APP: variants seen among roughly 807,000 people sequenced by gnomAD.
The protein encoded by APP is amyloid-beta precursor protein.
In APP, 31 loss-of-function variants were observed where a neutral mutation model predicts 101.4. The ratio of observed to expected loss-of-function variants is 0.31; its 90% CI spans 0.23 to 0.41. APP has a LOEUF of 0.41. APP is among the 10% of genes least tolerant of loss of function. The pLI, the probability that APP is intolerant of heterozygous loss-of-function variation, is 1.00. For missense variants in APP, 839 were observed against 1,003.7 expected (o/e 0.84, Z 2.22); for synonymous variants, 366 against 364.4 (o/e 1.00, Z -0.05).
intron 3 of APP, among the ~76,000 whole-genome samples, chr21:26,082,042 AC>A (rs1211124623): frequency 6.6e-6 from 1 of 151,944 alleles, no homozygotes; most frequent in Non-Finnish European, 1.5e-5. Context: ...ACATGATGAA[AC>A]CCCATCTCTA....
intron 1 of APP, among the ~76,000 whole-genome samples, chr21:26,132,703 T>TA (rs1172658670): frequency 6.6e-6 from 1 of 152,194 alleles, no homozygotes; most frequent in Admixed American, 6.5e-5. Flanking sequence ...AAATACTTGA[T>TA]TACTTCAACT....
At chr21:25,928,926 T>C (rs1301634091) in intron 13 of APP, 5 of 152,100 alleles carry the variant, frequency 3.3e-5, no homozygotes, top group Admixed American at 2.6e-4. Flanking sequence ...TTCACCATGT[T>C]GGCCGGGATG....
chr21:26,125,917 C>T (rs2062673440), intron 1 of APP, among the ~76,000 whole-genome samples: 2 of 152,216 alleles, frequency 1.3e-5, no homozygotes, highest in African/African-American at 4.8e-5. Flanking sequence ...GGACTCTCAC[C>T]ATGCAGATTA....
intron 11 of APP, among the ~76,000 whole-genome samples, chr21:25,958,162 C>T (rs975955201): frequency 1.5e-4 from 23 of 152,156 alleles, no homozygotes; most frequent in Non-Finnish European, 3.2e-4. Flanking sequence ...CTTGGCATTA[C>T]TACTTCAAGC....
chr21:26,022,774 A>G (rs2044400135), intron 5 of APP, among the ~76,000 whole-genome samples: 1 of 152,262 alleles, frequency 6.6e-6, no homozygotes, highest in Non-Finnish European at 1.5e-5. Flanking sequence ...GGTAGCGGAT[A>G]CTCAGTATAT....
intron 1 of APP, 121 bp downstream of exon 1, chr21:26,170,443 G>C: frequency 9.4e-7 from 1 of 1,065,510 alleles, no homozygotes; most frequent in Non-Finnish European, 1.3e-6. Flanking sequence ...GGGGCGGAGA[G>C]GAGAGGGGTC....
chr21:25,897,277 T>TA (rs1030221188), intron 16 of APP, among the ~76,000 whole-genome samples: 3 of 152,120 alleles, frequency 2.0e-5, no homozygotes, highest in African/African-American at 7.2e-5. Flanking sequence ...CACACCCAGC[T>TA]AATCTTTTTT....
intron 2 of APP, among the ~76,000 whole-genome samples, chr21:26,095,470 A>T (rs1258735181): frequency 6.6e-6 from 1 of 152,198 alleles, no homozygotes; most frequent in Non-Finnish European, 1.5e-5. Context: ...AAAGTGCAAG[A>T]GTAGTGATGG....
chr21:26,150,999 TTAA>T (rs2063257954), intron 1 of APP, among the ~76,000 whole-genome samples: 1 of 152,298 alleles, frequency 6.6e-6, no homozygotes, highest in African/African-American at 2.4e-5. Flanking sequence ...GAAACGGCAG[TTAA>T]TAATCAAAAT....
chr21:26,038,721 G>A (rs1456139801), intron 5 of APP, among the ~76,000 whole-genome samples: 1 of 152,102 alleles, frequency 6.6e-6, no homozygotes, highest in African/African-American at 2.4e-5. Flanking sequence ...CCGAGATTGT[G>A]CCACTGCACT....
chr21:26,106,068 T>A (rs531361912), intron 2 of APP, among the ~76,000 whole-genome samples: 1 of 152,218 alleles, frequency 6.6e-6, no homozygotes, highest in Admixed American at 6.5e-5. Context: ...AAGCACTCCC[T>A]GATAATGCCC....
At chr21:26,062,110 T>A (rs2046287375) in intron 3 of APP, among the ~76,000 whole-genome samples, 1 of 151,908 alleles carries the variant, frequency 6.6e-6, no homozygotes, top group African/African-American at 2.4e-5. Flanking sequence ...CTCGGGAGGC[T>A]GAGGCCGAAG....
intron 11 of APP, among the ~76,000 whole-genome samples, chr21:25,968,452 C>T (rs1433932710): frequency 3.3e-5 from 5 of 151,358 alleles, no homozygotes; most frequent in South Asian, 2.1e-4. Flanking sequence ...TGAGCCACCA[C>T]ATCTAGCCTA....
At chr21:26,098,795 A>T (rs1428954996) in intron 2 of APP, among the ~76,000 whole-genome samples, 1 of 152,242 alleles carries the variant, frequency 6.6e-6, no homozygotes. Flanking sequence ...GCTAAAAATT[A>T]TGTGGTACTA....
At chr21:25,923,600 C>T (rs373845646) in intron 13 of APP, among the ~76,000 whole-genome samples, 1 of 140,462 alleles carries the variant, frequency 7.1e-6, no homozygotes, top group African/African-American at 2.7e-5. Flanking sequence ...CAAAAGAAGA[C>T]ATTTATGCAG....
At chr21:25,951,518 A>G (rs1041055874) in intron 13 of APP, among the ~76,000 whole-genome samples, 1 of 152,214 alleles carries the variant, frequency 6.6e-6, no homozygotes, top group Non-Finnish European at 1.5e-5. Flanking sequence ...TAGGGACTTT[A>G]AAATTTTCTC....
At position 25,911,858 on chromosome 21, in the gene APP, T is replaced by C; in HGVS notation, c.1792A>G (p.Thr598Ala). The change falls in exon 14 of 18, where the codon ACC becomes GCC. Residue 598 changes from threonine (T) to alanine (A), a missense_variant. Thr to Ala is a moderately conservative substitution (Grantham distance 58). Coordinates refer to ENST00000346798, the MANE Select transcript of APP (RefSeq NM_000484.4). ...YGNDALMPSL[T>A]ETKTTVELLP... ...AGCTCCACGGTGGTTTTCGTTTCGG[T>C]CAAAGATGGCATGAGAGCATCGTTT... is the stretch of plus-strand genomic sequence containing the variant. 1.2e-6 allele frequency: 2 copies of C among 1,614,174 alleles called. No individual in the cohort carries two copies. Among genetic ancestry groups the C allele is most frequent in the Non-Finnish European group, 1.7e-6 (2 of 1,180,026 alleles).
At chr21:26,058,441 A>G (rs2046128243) in intron 3 of APP, among the ~76,000 whole-genome samples, 1 of 152,238 alleles carries the variant, frequency 6.6e-6, no homozygotes, top group Non-Finnish European at 1.5e-5. Context: ...ATGGGAATGA[A>G]TATCAAACAG....
At position 26,121,580 on chromosome 21, in the gene APP, G is replaced by A. The variant is rs911059737; in HGVS notation, c.58-9434C>T. 4.6e-5 allele frequency among the ~76,000 whole-genome samples: 7 copies of A among 152,184 alleles called. 1 individual carries two copies. The highest frequency in any genetic ancestry group is 2.6e-4 in the Admixed American group (4 of 15,282). On this transcript the variant is annotated intron_variant, in intron 1 of 17. Coordinates refer to ENST00000346798, the MANE Select transcript of APP (RefSeq NM_000484.4). Reference sequence around the variant, plus strand: ...TTTTTGTATTTTTAGTAGAGATGGGGTTTCATCATGTTGGTCAGGCTGATC... The same window carrying A: ...TTTTTGTATTTTTAGTAGAGATGGGATTTCATCATGTTGGTCAGGCTGATC...
Sources: allele counts gnomAD v4.1 joint callset (sites outside exome capture counted in the v4.1 genomes callset), GRCh38; gene constraint gnomAD v4.1.1; transcripts MANE v1.5; gene names NCBI Gene and HGNC (gene_info 2026-07-23, HGNC 2026-07-21).